MARCHF3: variants seen among roughly 807,000 people sequenced by gnomAD.
The protein encoded by MARCHF3 is E3 ubiquitin-protein ligase MARCHF3.
In MARCHF3, 13 loss-of-function variants were observed where a neutral mutation model predicts 24.2. The ratio of observed to expected loss-of-function variants is 0.54; its 90% confidence interval spans 0.35 to 0.85. The LOEUF (loss-of-function observed/expected upper bound fraction) is 0.85, where lower values mean the gene tolerates loss of function less well. Ranked by LOEUF, MARCHF3 falls within the 40% of genes least tolerant of loss-of-function variation. MARCHF3 has a pLI of 0.01. For synonymous variants in MARCHF3, 144 were observed against 137.3 expected, an observed-to-expected ratio of 1.05 and a Z score of -0.34; for missense variants, 276 against 325.0, an observed-to-expected ratio of 0.85 and a Z score of 1.16.
intron 1 of MARCHF3, among the ~76,000 whole-genome samples, chr5:126,928,485 T>A (rs190268882): frequency 2.2e-3 from 337 of 152,232 alleles, no homozygotes; most frequent in African/African-American, 7.2e-3. Flanking sequence ...GTCAAAAAAA[T>A]TTTTTTTAAA....
intron 3 of MARCHF3, among the ~76,000 whole-genome samples, chr5:126,880,474 G>A (rs1210991816): frequency 6.6e-6 from 1 of 152,182 alleles, no homozygotes; most frequent in Non-Finnish European, 1.5e-5. Context: ...CATCTCAGCA[G>A]CTTCAAAGAA....
Position 126,944,568 on chromosome 5 carries a change from C to T in MARCHF3, c.-56-26341G>A, listed in dbSNP as rs563716687. Among the ~76,000 whole-genome samples the T allele has an allele frequency of 5.3e-5, 8 of 152,286 alleles. No individual in the cohort carries two copies. In the South Asian group the frequency reaches 1.0e-3, roughly 20 times the overall value. On this transcript the variant is annotated intron_variant, in intron 1 of 4. Transcript: ENST00000308660. ...TTGCATTCCAGCCTGGGCAAAAGAG[C>T]GACACCCTGTCTCAAATAATAGTAA...
At chr5:127,003,353 G>A (rs1667705000) in intron 1 of MARCHF3, among the ~76,000 whole-genome samples, 1 of 152,008 alleles carries the variant, frequency 6.6e-6, no homozygotes, top group South Asian at 2.1e-4. Context: ...TGTAGTCCCA[G>A]CTACTCGGAG....
chr5:126,956,664 A>AC (rs1475800703), intron 1 of MARCHF3, among the ~76,000 whole-genome samples: 3 of 143,404 alleles, frequency 2.1e-5, no homozygotes, highest in African/African-American at 7.7e-5. Context: ...AAAAAAAAAA[A>AC]AAAAAAACCA....
At chr5:126,995,301 A>G (rs944184149) in intron 1 of MARCHF3, among the ~76,000 whole-genome samples, 1 of 152,240 alleles carries the variant, frequency 6.6e-6, no homozygotes, top group Admixed American at 6.5e-5. Flanking sequence ...CCAGTGTGCA[A>G]CTGGATGTTT....
intron 1 of MARCHF3, among the ~76,000 whole-genome samples, chr5:127,028,118 A>C (rs1753061157): frequency 6.6e-6 from 1 of 152,256 alleles, no homozygotes. Flanking sequence ...AATTGAAAAC[A>C]ATACTTCTTG....
At chr5:126,993,303 A>G (rs1475257850) in intron 1 of MARCHF3, among the ~76,000 whole-genome samples, 3 of 152,232 alleles carry the variant, frequency 2.0e-5, no homozygotes, top group South Asian at 2.1e-4. Context: ...TATGAAATGT[A>G]GATGATAACA....
intron 1 of MARCHF3, among the ~76,000 whole-genome samples, chr5:126,919,981 ACAGT>A (rs1246953024): frequency 9.9e-5 from 15 of 152,224 alleles, no homozygotes; most frequent in African/African-American, 3.6e-4. Flanking sequence ...AACATTCAGC[ACAGT>A]CAGTTAGTTG....
intron 1 of MARCHF3, among the ~76,000 whole-genome samples, chr5:126,982,186 C>T (rs536351931): frequency 2.6e-5 from 4 of 152,312 alleles, no homozygotes; most frequent in East Asian, 1.9e-4. Context: ...AACTCTCTAT[C>T]TCCCGCCTCC....
chr5:126,989,328 C>CTAATAA (rs768615641), intron 1 of MARCHF3, among the ~76,000 whole-genome samples: 2 of 149,294 alleles, frequency 1.3e-5, no homozygotes, highest in African/African-American at 5.0e-5. Flanking sequence ...ACTACTACTA[C>CTAATAA]TACTACTACT....
chr5:127,014,680 T>A (rs990588786), intron 1 of MARCHF3, among the ~76,000 whole-genome samples: 1 of 152,124 alleles, frequency 6.6e-6, no homozygotes, highest in African/African-American at 2.4e-5. Flanking sequence ...ATGGAGGACA[T>A]TATGTTAAGT....
intron 1 of MARCHF3, among the ~76,000 whole-genome samples, chr5:127,004,529 A>AG (rs59553195): frequency 0.052 from 7,841 of 152,218 alleles, 383 homozygotes; most frequent in South Asian, 0.13. Flanking sequence ...ACATAGGTTC[A>AG]GCCTTTGGGG....
chr5:127,002,476 C>A (rs774370106), intron 1 of MARCHF3, among the ~76,000 whole-genome samples: 1 of 152,026 alleles, frequency 6.6e-6, no homozygotes, highest in Non-Finnish European at 1.5e-5. Flanking sequence ...GAGAAACTTA[C>A]ACATATAAAA....
intron 1 of MARCHF3, among the ~76,000 whole-genome samples, chr5:127,007,864 C>A (rs2126855170): frequency 6.6e-6 from 1 of 152,156 alleles, no homozygotes; most frequent in African/African-American, 2.4e-5. Flanking sequence ...TTCTGCAAAT[C>A]AACGTTAATA....
In MARCHF3 at chr5:126,873,419, A is replaced by T. The variant is rs144689204; in HGVS notation, c.604-2628T>A. 1.4e-3 allele frequency among the ~76,000 whole-genome samples: 220 copies of T among 152,248 alleles called. 2 individuals are homozygous for T. Among genetic ancestry groups the T allele is most frequent in the African/African-American group, 5.1e-3 (213 of 41,546 alleles). ...AGGGTAACAGAAAAAGAAAAAAAAA[A>T]AAAAAGAGAGACAGAGACAGATTGG... is the stretch of plus-strand genomic sequence containing the variant. On this transcript the variant is annotated intron_variant, in intron 4 of 4. Transcript: ENST00000308660.
intron 1 of MARCHF3, among the ~76,000 whole-genome samples, chr5:126,930,887 C>A (rs554935558): frequency 6.6e-6 from 1 of 152,226 alleles, no homozygotes; most frequent in Non-Finnish European, 1.5e-5. Context: ...CCCATGATTG[C>A]CTTGTTTTAG....
intron 4 of MARCHF3, among the ~76,000 whole-genome samples, chr5:126,871,006 G>A (rs1024846370): frequency 2.0e-5 from 3 of 152,218 alleles, no homozygotes; most frequent in African/African-American, 7.2e-5. Context: ...CATGGGCAGG[G>A]CTTGCATGGT....
At chr5:126,900,378 A>G (rs986225047) in intron 3 of MARCHF3, among the ~76,000 whole-genome samples, 6 of 152,040 alleles carry the variant, frequency 3.9e-5, no homozygotes, top group Non-Finnish European at 7.3e-5. Flanking sequence ...TTGGGAGGTG[A>G]TTAGGTCAGG....
chr5:126,979,304 T>A (rs936548227), intron 1 of MARCHF3, among the ~76,000 whole-genome samples: 1 of 152,214 alleles, frequency 6.6e-6, no homozygotes, highest in Admixed American at 6.5e-5. Context: ...TTGGCAAACA[T>A]CTGGTACTTA....
Sources: gnomAD v4.1 joint callset for allele counts (sites outside exome capture counted in the v4.1 genomes callset) on GRCh38, gnomAD v4.1.1 for gene constraint, MANE v1.5 for transcripts, NCBI Gene and HGNC (gene_info 2026-07-23, HGNC 2026-07-21) for gene names.